Variants in TLE4 observed in about 807,000 individuals in gnomAD.
TLE4 encodes the protein transducin-like enhancer protein 4.
A neutral mutation model predicts 92.8 loss-of-function variants in TLE4; 8 were observed. The observed-to-expected ratio is 0.09, with a 90% CI of 0.05 to 0.16. TLE4 has a LOEUF of 0.16. Ranked by LOEUF, TLE4 falls within the 10% of genes least tolerant of loss-of-function variation. The probability of loss-of-function intolerance (pLI) is 1.00; values close to 1 mark genes in which losing one functional copy is unlikely to be tolerated. For synonymous variants in TLE4, 371 were observed against 374.1 expected, an observed-to-expected ratio of 0.99 and a Z score of 0.10; for missense variants, 675 against 997.6, an observed-to-expected ratio of 0.68 and a Z score of 4.36.
At chr9:79,573,151 C>A in intron 1 of TLE4, 1 of 792,892 alleles carries the variant, frequency 1.3e-6, no homozygotes, top group Non-Finnish European at 1.6e-6. Flanking sequence ...GAAGGAGGCG[C>A]GACTCCGCGC....
At chr9:79,606,841 G>A (rs1015801179) in intron 4 of TLE4, among the ~76,000 whole-genome samples, 7 of 152,118 alleles carry the variant, frequency 4.6e-5, no homozygotes, top group South Asian at 2.1e-4. Flanking sequence ...AAACATATGT[G>A]TGCATGTGTC....
intron 4 of TLE4, among the ~76,000 whole-genome samples, chr9:79,603,727 G>T (rs62569294): frequency 0.012 from 1,797 of 152,118 alleles, 12 homozygotes; most frequent in Non-Finnish European, 0.019. Flanking sequence ...CAATTGTAGC[G>T]TGCCTGCAAA....
At chr9:79,602,270 G>A (rs1431832358) in intron 4 of TLE4, among the ~76,000 whole-genome samples, 1 of 152,204 alleles carries the variant, frequency 6.6e-6, no homozygotes, top group Non-Finnish European at 1.5e-5. Context: ...CATTGATGAA[G>A]GTGGCTACAC....
chr9:79,723,348 G>A (rs188412319), intron 19 of TLE4, among the ~76,000 whole-genome samples: 1 of 122,680 alleles, frequency 8.2e-6, no homozygotes, highest in Admixed American at 7.6e-5. Context: ...TATGTCTTTT[G>A]TAATTTTTAA....
chr9:79,662,465 T>C (rs574724227), intron 8 of TLE4, among the ~76,000 whole-genome samples: 1 of 152,330 alleles, frequency 6.6e-6, no homozygotes, highest in South Asian at 2.1e-4. Flanking sequence ...TATTCACTTA[T>C]CTTTTTTTAA....
intron 8 of TLE4, chr9:79,668,827 C>T: frequency 1.0e-6 from 1 of 985,312 alleles, no homozygotes; most frequent in South Asian, 4.7e-5. Context: ...GAGAGTAGCT[C>T]AGCTGTTGTG....
chr9:79,646,703 G>C (rs1450979118), intron 6 of TLE4, among the ~76,000 whole-genome samples: 5 of 151,772 alleles, frequency 3.3e-5, no homozygotes, highest in African/African-American at 9.7e-5. Context: ...TACAGAAAGG[G>C]GTCTCATTTA....
At chr9:79,625,354 C>T (rs1294491251) in intron 5 of TLE4, among the ~76,000 whole-genome samples, 1 of 152,132 alleles carries the variant, frequency 6.6e-6, no homozygotes, top group African/African-American at 2.4e-5. Context: ...AAAGAAATAC[C>T]TGAAGTTCTT....
At chr9:79,595,231 A>C (rs1398195462) in intron 4 of TLE4, among the ~76,000 whole-genome samples, 1 of 152,220 alleles carries the variant, frequency 6.6e-6, no homozygotes, top group Non-Finnish European at 1.5e-5. Flanking sequence ...TATCACCTAA[A>C]GTCTAAGGCA....
chr9:79,633,853 G>A (rs1452302348), intron 6 of TLE4, among the ~76,000 whole-genome samples: 1 of 152,120 alleles, frequency 6.6e-6, no homozygotes, highest in African/African-American at 2.4e-5. Flanking sequence ...GAAGAAGCAT[G>A]GGCTATAAGA....
intron 4 of TLE4, among the ~76,000 whole-genome samples, chr9:79,611,955 A>AC (rs1170342912): frequency 6.6e-6 from 1 of 151,624 alleles, no homozygotes; most frequent in African/African-American, 2.4e-5. Context: ...AAAAAAAAAA[A>AC]AAAAGTTCCC....
At position 79,573,679 on chromosome 9, in the gene TLE4, T is replaced by C. The variant is rs2036689833; in HGVS notation, c.46-10T>C. The C allele has an allele frequency of 6.3e-7, 1 of 1,586,668 alleles. No individual in the cohort carries two copies. Among genetic ancestry groups the C allele is most frequent in the African/African-American group, 1.3e-5 (1 of 74,612 alleles). Reference sequence around the variant, plus strand: ...GTGGGCTAATTAAATATTTTATTGTTGTTCTTCAGGCACCGCATCAGCCTG... The same window carrying C: ...GTGGGCTAATTAAATATTTTATTGTCGTTCTTCAGGCACCGCATCAGCCTG... On this transcript the variant is annotated splice_polypyrimidine_tract_variant and intron_variant, in intron 1 of 19. Transcript: ENST00000376552.
At chr9:79,681,090 G>C (rs968695764) in intron 8 of TLE4, among the ~76,000 whole-genome samples, 3 of 151,966 alleles carry the variant, frequency 2.0e-5, no homozygotes, top group Non-Finnish European at 2.9e-5. Flanking sequence ...AAAATTCTCT[G>C]TTTCGGTTGT....
chr9:79,572,338 C>T lies in TLE4; in HGVS notation c.-453C>T, dbSNP rs2036042218. 1 of 152,136 alleles carries T rather than the reference C, an allele frequency of 6.6e-6. No individual in the cohort carries two copies. Among genetic ancestry groups the T allele is most frequent in the Non-Finnish European group, 1.5e-5 (1 of 68,014 alleles). The allele number at this position is 152,136 out of a possible 1,614,324, so 9.4% of individuals were successfully genotyped here. A position where few individuals can be genotyped will look rare whatever the true frequency, so the allele number is the denominator to read the frequency against. On this transcript the variant is annotated 5_prime_UTR_variant, in exon 1 of 20. Coordinates refer to ENST00000376552, the MANE Select transcript of TLE4 (RefSeq NM_007005.6). The stretch of plus-strand genomic sequence containing the variant: ...TTTGCTTTTAGGGAAGAAGAAAGAT[C>T]ATTCATTCGGAGGAATAACAACCAA...
Position 79,652,595 on chromosome 9 carries a change from ACAACTC to A in TLE4, c.396_401del (p.Leu133_Gln134del). The A allele has an allele frequency of 3.1e-6, 5 of 1,614,042 alleles. No homozygotes were observed. Among genetic ancestry groups the A allele is most frequent in the Non-Finnish European group, 4.2e-6 (5 of 1,179,964 alleles). Reference sequence around the variant, plus strand: ...CTGTGTTTAATTTTTCACAGCAGCAACAACTCCAGGCCCAGCATTTATCACATGGAC... The same window carrying A: ...CTGTGTTTAATTTTTCACAGCAGCAACAGGCCCAGCATTTATCACATGGAC... On this transcript the variant is annotated inframe_deletion, in exon 7 of 20. Transcript: ENST00000376552.
At chr9:79,708,808 A>G in intron 13 of TLE4, 22 bp downstream of exon 13, 1 of 1,591,802 alleles carries the variant, frequency 6.3e-7, no homozygotes, top group Non-Finnish European at 8.5e-7. Context: ...AGCTTCACAA[A>G]TAATATTTTA....
At chr9:79,714,475 T>A (rs2074062285) in intron 14 of TLE4, among the ~76,000 whole-genome samples, 1 of 152,230 alleles carries the variant, frequency 6.6e-6, no homozygotes, top group East Asian at 1.9e-4. Context: ...TCATTTTACC[T>A]CATCCTTTTG....
chr9:79,604,261 A>G (rs1243453300), intron 4 of TLE4, among the ~76,000 whole-genome samples: 1 of 152,144 alleles, frequency 6.6e-6, no homozygotes, highest in Non-Finnish European at 1.5e-5. Context: ...TGCAAATGCT[A>G]GGAAGAGGGA....
rs181430450 is a variant in TLE4 at position 79,719,206 on chromosome 9, A to T, written c.1590+235A>T. Among the ~76,000 whole-genome samples, 37 of 152,236 alleles carry T rather than the reference A, an allele frequency of 2.4e-4. No individual in the cohort carries two copies. In the East Asian group the frequency reaches 6.4e-3, roughly 26 times the overall value. ...ACTGATTTCATTAACTCTGCCTCCC[A>T]TGGGAAAAGGCAAACCGCTTGTTTT... is the stretch of plus-strand genomic sequence containing the variant. On this transcript the variant is annotated intron_variant, in intron 15 of 19. Transcript: ENST00000376552.
Sources: allele counts gnomAD v4.1 joint callset (sites outside exome capture counted in the v4.1 genomes callset), GRCh38; gene constraint gnomAD v4.1.1; transcripts MANE v1.5; gene names NCBI Gene and HGNC (gene_info 2026-07-23, HGNC 2026-07-21).